ZNF839: variants seen among roughly 807,000 people sequenced by gnomAD.
ZNF839 encodes the protein renal carcinoma antigen NY-REN-50.
A neutral mutation model predicts 56.4 loss-of-function variants in ZNF839; 38 were observed. That is an observed-to-expected ratio of 0.67 (90% CI 0.52 to 0.88). The LOEUF is 0.88. Ranked by LOEUF, ZNF839 falls within the 40% of genes least tolerant of loss-of-function variation. The pLI is 0.00. For missense variants in ZNF839, 1,091 were observed against 1,177.6 expected, an observed-to-expected ratio of 0.93 and a Z score of 1.08; for synonymous variants, 486 against 493.5, an observed-to-expected ratio of 0.98 and a Z score of 0.20.
rs1242416135 is a variant in ZNF839 at position 102,326,548 on chromosome 14, A to T, written c.852A>T (p.Ser284=). 1.2e-6 allele frequency: 2 copies of T among 1,614,036 alleles called. No homozygotes were observed. Among genetic ancestry groups the T allele is most frequent in the Admixed American group, 3.3e-5 (2 of 60,024 alleles). The change falls in exon 2 of 8, where the codon TCA becomes TCT. Residue 284 remains serine, a synonymous_variant. Coordinates refer to ENST00000442396, the MANE Select transcript of ZNF839 (RefSeq NM_018335.6). The surrounding 1 kb of genome is among the most constrained non-coding windows in gnomAD (Gnocchi z 4.3). ...ATCTGTCAGATTCTGATGATTACTC[A>T]GAACTCTGTGTGGAAGAAGATGAAG... ...DGHLSDSDDY[S]ELCVEEDEDQ...
upstream of ZNF839, chr14:102,319,708 C>T: frequency 8.2e-7 from 1 of 1,222,290 alleles, no homozygotes; most frequent in Non-Finnish European, 1.0e-6. This position sits in a 1 kb window ranked among gnomAD's most constrained non-coding sequence, Gnocchi z 4.5. Flanking sequence ...TCCTAGGTGA[C>T]GTACATTGGA....
In ZNF839 at chr14:102,325,969, T is replaced by C. The variant is rs533259871; in HGVS notation, c.289-16T>C. ...CACAATGCTTCTTTTCTCTTTCTTGTCTTTCTGTACGTAAGCAACTAGAAG... is the reference window on the plus strand; with the variant it reads ...CACAATGCTTCTTTTCTCTTTCTTGCCTTTCTGTACGTAAGCAACTAGAAG... On this transcript the variant is annotated splice_polypyrimidine_tract_variant and intron_variant, in intron 1 of 7. Coordinates refer to ENST00000442396, the MANE Select transcript of ZNF839 (RefSeq NM_018335.6). The C allele has an allele frequency of 9.9e-6, 16 of 1,608,166 alleles. No individual in the cohort carries two copies. The East Asian group carries it at 2.7e-4, about 27-fold the overall frequency.
intron 1 of ZNF839, among the ~76,000 whole-genome samples, chr14:102,320,416 C>G (rs2073067332): frequency 6.6e-6 from 1 of 152,206 alleles, no homozygotes; most frequent in Non-Finnish European, 1.5e-5. Flanking sequence ...CCAGCACTCC[C>G]CACTATGTGC....
chr14:102,325,440 G>T (rs1353281108), intron 1 of ZNF839, among the ~76,000 whole-genome samples: 1 of 151,990 alleles, frequency 6.6e-6, no homozygotes, highest in Non-Finnish European at 1.5e-5. Context: ...TATGTATGCA[G>T]ATATTTATAT....
chr14:102,326,523 A>G lies in ZNF839; in HGVS notation c.827A>G (p.His276Arg). 3 of 1,614,070 alleles carry G rather than the reference A, an allele frequency of 1.9e-6. No homozygotes were observed. The highest frequency in any genetic ancestry group is 2.2e-5 in the East Asian group (1 of 44,892). ...FIKTEDLADG[H>R]LSDSDDYSEL... ...AAAACAGAGGATCTGGCGGATGGTC[A>G]TCTGTCAGATTCTGATGATTACTCA... is the stretch of plus-strand genomic sequence containing the variant. Residue 276 changes from histidine (H) to arginine (R), a missense_variant, in exon 2 of 8, where the codon CAT becomes CGT. His to Arg is a conservative substitution (Grantham distance 29). Coordinates refer to ENST00000442396, the MANE Select transcript of ZNF839 (RefSeq NM_018335.6). This position sits in a 1 kb window ranked among gnomAD's most constrained non-coding sequence, Gnocchi z 4.3.
At chr14:102,320,121 C>T in intron 1 of ZNF839, 68 bp downstream of exon 1, 2 of 1,103,366 alleles carry the variant, frequency 1.8e-6, no homozygotes, top group Non-Finnish European at 1.1e-6. Flanking sequence ...GGCGGGGTAG[C>T]TGCTTGTCCG....
intron 2 of ZNF839, among the ~76,000 whole-genome samples, chr14:102,327,923 T>C (rs1233343193): frequency 6.6e-6 from 1 of 152,074 alleles, no homozygotes; most frequent in Admixed American, 6.6e-5. Flanking sequence ...AAGGAGTCCC[T>C]GGGGGTGCTT....
chr14:102,338,739 A>T, intron 5 of ZNF839, 77 bp from the exon 6 acceptor site: 7 of 1,591,128 alleles, frequency 4.4e-6, no homozygotes, highest in Non-Finnish European at 6.0e-6. Flanking sequence ...AAGTCGTTTA[A>T]TTCTTGCATG....
chr14:102,319,781 C>G lies in ZNF839; in HGVS notation c.16C>G (p.Pro6Ala). The G allele has an allele frequency of 4.1e-6, 5 of 1,231,736 alleles. No individual in the cohort carries two copies. Among genetic ancestry groups the G allele is most frequent in the Admixed American group, 8.5e-5 (2 of 23,574 alleles). 76.3% of individuals were successfully genotyped at this position (1,231,736 alleles called of 1,614,324 possible). Reference sequence around the variant, plus strand: ...CTCGGCCGCCATGGCGGATGCGGAGCCGGAGGCTGGGGGCGGCAGCGAGGA... The same window carrying G: ...CTCGGCCGCCATGGCGGATGCGGAGGCGGAGGCTGGGGGCGGCAGCGAGGA... MADAE[P>A]EAGGGSEDGG... The change falls in exon 1 of 8, where the codon CCG becomes GCG. Residue 6 changes from proline to alanine, a missense_variant. Pro to Ala is a conservative substitution (Grantham distance 27). Coordinates refer to ENST00000442396, the MANE Select transcript of ZNF839 (RefSeq NM_018335.6). The surrounding 1 kb of genome is among the most constrained non-coding windows in gnomAD (Gnocchi z 4.5).
chr14:102,325,362 G>A (rs890985191), intron 1 of ZNF839, among the ~76,000 whole-genome samples: 2 of 151,302 alleles, frequency 1.3e-5, no homozygotes, highest in Non-Finnish European at 2.9e-5. Flanking sequence ...AAAAAATGAT[G>A]TAGAATAGAT....
chr14:102,328,126 G>A (rs1291871044), intron 2 of ZNF839, among the ~76,000 whole-genome samples: 4 of 151,588 alleles, frequency 2.6e-5, no homozygotes, highest in Admixed American at 2.6e-4. Context: ...AGGCCGAGGT[G>A]GGCGGATCAC....
At position 102,335,816 on chromosome 14, in the gene ZNF839, C is replaced by A; in HGVS notation, c.1637C>A (p.Thr546Asn). The stretch of plus-strand genomic sequence containing the variant: ...AGTTCTGGTCTGTGTTCCCAGGAGA[C>A]CCTGGAAATAAACAATGATAAGGTA... ...LSSSGLCSQE[T>N]LEINNDKVAE... The change falls in exon 5 of 8, where the codon ACC becomes AAC. Residue 546 changes from threonine (T) to asparagine (N), a missense_variant. By Grantham distance (65) the Thr-to-Asn change is moderately conservative. This residue lies in a region of ZNF839 where 46 missense variants were observed against 80.4 expected (regional missense o/e 0.57). Coordinates refer to ENST00000442396, the MANE Select transcript of ZNF839 (RefSeq NM_018335.6). 6.2e-7 allele frequency: 1 copy of A among 1,609,756 alleles called. No individual in the cohort carries two copies.
At chr14:102,321,620 G>C (rs1449769176) in intron 1 of ZNF839, among the ~76,000 whole-genome samples, 1 of 152,138 alleles carries the variant, frequency 6.6e-6, no homozygotes, top group Non-Finnish European at 1.5e-5. Flanking sequence ...AACCGGATGC[G>C]TACTTTGCCC....
intron 6 of ZNF839, 41 bp from the exon 7 acceptor site, chr14:102,339,053 T>C: frequency 6.2e-7 from 1 of 1,613,488 alleles, no homozygotes; most frequent in Non-Finnish European, 8.5e-7. Context: ...GCGGTTTGCC[T>C]ATTCCTTCCT....
At chr14:102,330,578 T>A (rs1279188466) in intron 2 of ZNF839, among the ~76,000 whole-genome samples, 3 of 146,670 alleles carry the variant, frequency 2.0e-5, no homozygotes, top group Non-Finnish European at 4.5e-5. Flanking sequence ...TGTGTTGCCC[T>A]GGCTGGAGTG....
At chr14:102,321,242 G>A (rs2073111870) in intron 1 of ZNF839, among the ~76,000 whole-genome samples, 2 of 152,206 alleles carry the variant, frequency 1.3e-5, no homozygotes. Flanking sequence ...CTCTGCGCCC[G>A]GCGCTGTGCG....
At chr14:102,328,375 A>AATATATATATATATATAT (rs71116898) in intron 2 of ZNF839, among the ~76,000 whole-genome samples, 6 of 16,344 alleles carry the variant, frequency 3.7e-4, no homozygotes, top group East Asian at 1.9e-3. Flanking sequence ...AAAAAAAAAA[A>AATATATATATATATATAT]ATATATATAT....
chr14:102,321,219 T>C (rs1289098680), intron 1 of ZNF839, among the ~76,000 whole-genome samples: 1 of 152,258 alleles, frequency 6.6e-6, no homozygotes, highest in Non-Finnish European at 1.5e-5. Context: ...GGCAGCTATC[T>C]GCAAAGCCTC....
rs201365142 is a variant in ZNF839, at chr14:102,326,672, G to C, written c.976G>C (p.Gly326Arg). The change falls in exon 2 of 8, where the codon GGG (glycine) becomes CGG (arginine). Residue 326 changes from glycine (G) to arginine (R), a missense_variant. By Grantham distance (125) the Gly-to-Arg change is moderately radical. Around this residue, in one of 3 missense-constraint regions of ZNF839, gnomAD observed 614 missense variants for 629.2 expected, o/e 0.98. Transcript: ENST00000442396. The surrounding 1 kb of genome is among the most constrained non-coding windows in gnomAD (Gnocchi z 4.3). ...TTGTGAAAAGTCATATATAGGGAAG[G>C]GGGGACTGGCCCGACATTTTAAACT... is the stretch of plus-strand genomic sequence containing the variant. The part of the protein sequence containing the change: ...QTCEKSYIGK[G>R]GLARHFKLNP... 352 of 1,612,674 alleles carry C rather than the reference G, an allele frequency of 2.2e-4. No homozygotes were observed. The African/African-American group carries it at 4.2e-3, about 19-fold the overall frequency.
Sources: allele counts gnomAD v4.1 joint callset (sites outside exome capture counted in the v4.1 genomes callset), GRCh38; gene constraint gnomAD v4.1.1; regional missense constraint gnomAD v4.1.1; non-coding constraint Gnocchi (gnomAD v3.1); transcripts MANE v1.5; gene names NCBI Gene and HGNC (gene_info 2026-07-23, HGNC 2026-07-21).